Variants in SGMS1 observed in about 807,000 individuals in gnomAD.
SGMS1 encodes phosphatidylcholine:ceramide cholinephosphotransferase 1.
A neutral mutation model predicts 46.2 loss-of-function variants in SGMS1; 13 were observed. The ratio of observed to expected loss-of-function variants is 0.28; its 90% CI spans 0.18 to 0.45. SGMS1 has a LOEUF of 0.45. Among genes scored for constraint, SGMS1 ranks in the 20% least tolerant of loss-of-function variants. The pLI is 1.00. For missense variants in SGMS1, 324 were observed against 519.9 expected (o/e 0.62, Z 3.66); for synonymous variants, 203 against 187.8 (o/e 1.08, Z -0.66).
chr10:50,343,367 A>C, intron 7 of SGMS1, 125 bp downstream of exon 7: 6 of 1,175,778 alleles, frequency 5.1e-6, no homozygotes, highest in Non-Finnish European at 6.9e-6. Context: ...TATGTGTTTA[A>C]AAAAGAAAAA....
chr10:50,421,164 G>A (rs1030844172), intron 6 of SGMS1, among the ~76,000 whole-genome samples: 2 of 152,004 alleles, frequency 1.3e-5, no homozygotes, highest in Non-Finnish European at 2.9e-5. Context: ...AAAAAGTGAC[G>A]GTGAAACTAC....
chr10:50,461,082 G>T (rs907372344), intron 4 of SGMS1, among the ~76,000 whole-genome samples: 1 of 151,900 alleles, frequency 6.6e-6, no homozygotes, highest in Non-Finnish European at 1.5e-5. Context: ...CTAATTAAAA[G>T]TTAAGTCTTA....
chr10:50,331,227 C>T (rs1847619506), intron 7 of SGMS1, among the ~76,000 whole-genome samples: 1 of 152,178 alleles, frequency 6.6e-6, no homozygotes, highest in South Asian at 2.1e-4. Flanking sequence ...CTCTTATATA[C>T]CAAGCTCTGT....
At chr10:50,624,975 C>T (rs1838908634), upstream of SGMS1, 4 of 1,038,902 alleles carry the variant, frequency 3.9e-6, no homozygotes, top group South Asian at 5.1e-5. Flanking sequence ...CATCGGGCCG[C>T]GGGCGCTCGG....
At chr10:50,339,328 T>G (rs899367799) in intron 7 of SGMS1, among the ~76,000 whole-genome samples, 1 of 152,212 alleles carries the variant, frequency 6.6e-6, no homozygotes, top group African/African-American at 2.4e-5. Flanking sequence ...CTCTGCACTT[T>G]CTGTGTCTCC....
Position 50,382,568 on chromosome 10 carries a change from TAC to T in SGMS1, c.-231-38225_-231-38224del, listed in dbSNP as rs57835243. Among the ~76,000 whole-genome samples the T allele has an allele frequency of 4.3e-3, 614 of 142,738 alleles. 4 individuals are homozygous for T. The highest frequency in any genetic ancestry group is 0.012 in the African/African-American group (443 of 38,262). The allele number at this position is 142,738 out of a possible 152,430, so 93.6% of individuals were successfully genotyped here. A position where few individuals can be genotyped will look rare whatever the true frequency, so the allele number is the denominator to read the frequency against. On this transcript the variant is annotated intron_variant, in intron 6 of 10. Coordinates refer to ENST00000361781, the MANE Select transcript of SGMS1 (RefSeq NM_147156.4). ...GAAAACACACACACAAACACACACA[TAC>T]ACACACACACACACACACACACAAC...
intron 6 of SGMS1, among the ~76,000 whole-genome samples, chr10:50,369,352 G>T (rs1448395385): frequency 6.6e-6 from 1 of 152,056 alleles, no homozygotes; most frequent in African/African-American, 2.4e-5. Context: ...TTAAAAATTG[G>T]CCCAGTGTGA....
At chr10:50,563,880 T>C (rs1019324079) in intron 2 of SGMS1, among the ~76,000 whole-genome samples, 2 of 151,966 alleles carry the variant, frequency 1.3e-5, no homozygotes, top group South Asian at 2.1e-4. Context: ...TGCTATGGAA[T>C]GAAGGTACTG....
chr10:50,375,585 C>T (rs1427752503), intron 6 of SGMS1, among the ~76,000 whole-genome samples: 1 of 152,142 alleles, frequency 6.6e-6, no homozygotes, highest in Non-Finnish European at 1.5e-5. Flanking sequence ...CAGAGTGGGA[C>T]ACATTTCTTT....
intron 3 of SGMS1, among the ~76,000 whole-genome samples, chr10:50,502,341 G>A (rs921877019): frequency 5.4e-5 from 8 of 147,676 alleles, no homozygotes; most frequent in African/African-American, 2.0e-4. Context: ...AGCAGGAGAA[G>A]TCAGTAAAGA....
At chr10:50,484,948 G>C (rs902280512) in intron 3 of SGMS1, among the ~76,000 whole-genome samples, 1 of 152,132 alleles carries the variant, frequency 6.6e-6, no homozygotes, top group African/African-American at 2.4e-5. Flanking sequence ...TATACTGAAT[G>C]GGCAAAAGCT....
chr10:50,609,387 A>C (rs568715113), intron 1 of SGMS1, among the ~76,000 whole-genome samples: 10 of 152,268 alleles, frequency 6.6e-5, no homozygotes, highest in African/African-American at 2.4e-4. Context: ...TTAATGACAG[A>C]GTCAGTATGA....
intron 2 of SGMS1, among the ~76,000 whole-genome samples, chr10:50,574,118 G>C (rs954513651): frequency 6.6e-6 from 1 of 152,106 alleles, no homozygotes; most frequent in Non-Finnish European, 1.5e-5. Flanking sequence ...ATTTGGCAAT[G>C]ATTCCTTGGA....
intron 2 of SGMS1, among the ~76,000 whole-genome samples, chr10:50,534,123 T>A (rs1837979113): frequency 6.6e-6 from 1 of 151,348 alleles, no homozygotes; most frequent in African/African-American, 2.5e-5. Flanking sequence ...TATTTACCTA[T>A]CTGCACACAC....
intron 6 of SGMS1, among the ~76,000 whole-genome samples, chr10:50,400,690 G>T (rs1309224838): frequency 6.6e-6 from 1 of 151,868 alleles, no homozygotes; most frequent in East Asian, 1.9e-4. Flanking sequence ...TTAGTAAGAA[G>T]AAAATATGAA....
intron 6 of SGMS1, among the ~76,000 whole-genome samples, chr10:50,345,800 G>A (rs2140406): frequency 0.52 from 78,694 of 151,916 alleles, 20,536 homozygotes; most frequent in Admixed American, 0.61. Flanking sequence ...AATCCGAAAC[G>A]CTTCTGGTCC....
chr10:50,519,390 G>A (rs1277317353), intron 3 of SGMS1, among the ~76,000 whole-genome samples: 8 of 152,282 alleles, frequency 5.3e-5, no homozygotes, highest in South Asian at 2.1e-4. Flanking sequence ...CCTGGTAACC[G>A]TGATCTTCCA....
rs370355341 is a variant in SGMS1, at chr10:50,352,809, C to A, written c.-231-8464G>T. Among the ~76,000 whole-genome samples the A allele has an allele frequency of 2.0e-4, 30 of 152,198 alleles. No homozygotes were observed. The East Asian group carries it at 3.1e-3, about 16-fold the overall frequency. The stretch of plus-strand genomic sequence containing the variant: ...CTACCATCAGAGAATACTATAAACA[C>A]CTCTATGCAAATAAACTAGAAAATC... On this transcript the variant is annotated intron_variant, in intron 6 of 10. Coordinates refer to ENST00000361781, the MANE Select transcript of SGMS1 (RefSeq NM_147156.4).
At chr10:50,390,541 A>G (rs1052604728) in intron 6 of SGMS1, among the ~76,000 whole-genome samples, 5 of 152,202 alleles carry the variant, frequency 3.3e-5, no homozygotes, top group Admixed American at 3.3e-4. Context: ...GGAAGGCTGG[A>G]ACAGGAGGAT....
Sources: gnomAD v4.1 joint callset for allele counts (sites outside exome capture counted in the v4.1 genomes callset) on GRCh38, gnomAD v4.1.1 for gene constraint, MANE v1.5 for transcripts, NCBI Gene and HGNC (gene_info 2026-07-23, HGNC 2026-07-21) for gene names.